The following UTRN variants were observed in gnomAD, a reference collection of about 807,000 sequenced individuals.
UTRN encodes utrophin.
A neutral mutation model predicts 463.9 loss-of-function variants in UTRN; 283 were observed. The observed-to-expected ratio is 0.61, with a 90% CI of 0.55 to 0.67. The LOEUF (loss-of-function observed/expected upper bound fraction) is 0.67, where lower values mean the gene tolerates loss of function less well. UTRN is among the 30% of genes least tolerant of loss of function. The pLI is 0.00. For synonymous variants in UTRN, 1,442 were observed against 1,431.5 expected, an observed-to-expected ratio of 1.01 and a Z score of -0.17; for missense variants, 3,922 against 4,084.3, an observed-to-expected ratio of 0.96 and a Z score of 1.08.
intron 2 of UTRN, among the ~76,000 whole-genome samples, chr6:144,334,213 G>A (rs781719562): frequency 2.6e-5 from 4 of 151,688 alleles, no homozygotes; most frequent in African/African-American, 7.3e-5. Context: ...TAATTTCACC[G>A]GAATGCTGCA....
intron 2 of UTRN, among the ~76,000 whole-genome samples, chr6:144,299,315 A>T (rs1805028647): frequency 6.6e-6 from 1 of 152,242 alleles, no homozygotes; most frequent in South Asian, 2.1e-4. Context: ...AAAGTCATAG[A>T]ACCAAAGTGA....
chr6:144,606,422 A>G (rs891060505), intron 51 of UTRN, among the ~76,000 whole-genome samples: 2 of 152,364 alleles, frequency 1.3e-5, no homozygotes, highest in Admixed American at 6.5e-5. Context: ...AGCAATCATT[A>G]AAATTAGCTA....
At chr6:144,828,573 C>CG (rs1780392068) in intron 68 of UTRN, among the ~76,000 whole-genome samples, 2 of 152,118 alleles carry the variant, frequency 1.3e-5, no homozygotes, top group African/African-American at 4.8e-5. Flanking sequence ...GGAGACTTTA[C>CG]AACATGGCGT....
chr6:144,730,123 T>G (rs1207402427), intron 53 of UTRN, among the ~76,000 whole-genome samples: 1 of 152,274 alleles, frequency 6.6e-6, no homozygotes, highest in Non-Finnish European at 1.5e-5. Context: ...AAGTGAATAT[T>G]TTAAAGCTGT....
chr6:144,429,100 A>G (rs1430839156), intron 8 of UTRN, among the ~76,000 whole-genome samples: 1 of 152,210 alleles, frequency 6.6e-6, no homozygotes, highest in Non-Finnish European at 1.5e-5. Context: ...GTAGAAATTT[A>G]ACTACAGCAC....
chr6:144,350,439 C>T (rs993042068), intron 2 of UTRN, among the ~76,000 whole-genome samples: 12 of 152,076 alleles, frequency 7.9e-5, no homozygotes, highest in African/African-American at 2.9e-4. Context: ...AAAATTGAAA[C>T]CATCCTGATT....
chr6:144,721,308 G>C (rs1467115990), intron 53 of UTRN, among the ~76,000 whole-genome samples: 1 of 152,132 alleles, frequency 6.6e-6, no homozygotes, highest in Non-Finnish European at 1.5e-5. Flanking sequence ...AACTCCTGGA[G>C]CCAAGCAGTC....
At chr6:144,561,356 A>T (rs537743682) in intron 50 of UTRN, among the ~76,000 whole-genome samples, 9 of 149,468 alleles carry the variant, frequency 6.0e-5, no homozygotes, top group African/African-American at 2.2e-4. Flanking sequence ...ATACACACAC[A>T]TATAACTGTG....
At chr6:144,525,223 C>T (rs1026368960) in intron 41 of UTRN, among the ~76,000 whole-genome samples, 1 of 152,118 alleles carries the variant, frequency 6.6e-6, no homozygotes, top group Non-Finnish European at 1.5e-5. Flanking sequence ...GGAGGATTCC[C>T]TCTTTCTCTA....
chr6:144,517,335 C>T (rs757263423), intron 39 of UTRN, among the ~76,000 whole-genome samples: 13 of 151,744 alleles, frequency 8.6e-5, no homozygotes, highest in Non-Finnish European at 1.8e-4. Flanking sequence ...TAAAGATTCA[C>T]TACCAGCTCC....
At position 144,510,929 on chromosome 6, in the gene UTRN, G is replaced by A; in HGVS notation, c.4765-15G>A. The A allele has an allele frequency of 6.5e-7, 1 of 1,544,956 alleles. No individual in the cohort carries two copies. The highest frequency in any genetic ancestry group is 1.2e-5 in the South Asian group (1 of 82,172). On this transcript the variant is annotated splice_polypyrimidine_tract_variant and intron_variant, in intron 34 of 74. Coordinates refer to ENST00000367545, the MANE Select transcript of UTRN (RefSeq NM_007124.3). Reference sequence around the variant, plus strand: ...TCTGAAGCATCAAGTAGGTCTTGGTGTTTTTATTTTCTAGAATGTTCTGAA... The same window carrying A: ...TCTGAAGCATCAAGTAGGTCTTGGTATTTTTATTTTCTAGAATGTTCTGAA...
chr6:144,564,747 G>A (rs1472511890), intron 50 of UTRN, among the ~76,000 whole-genome samples: 1 of 152,060 alleles, frequency 6.6e-6, no homozygotes, highest in Non-Finnish European at 1.5e-5. Context: ...CAACATGGGG[G>A]AAACCATCCC....
intron 2 of UTRN, among the ~76,000 whole-genome samples, chr6:144,376,901 T>C (rs1780512278): frequency 6.6e-6 from 1 of 152,196 alleles, no homozygotes; most frequent in African/African-American, 2.4e-5. Context: ...AATAGTACAG[T>C]ATATTAATAA....
At chr6:144,507,154 G>A (rs2128588391) in intron 34 of UTRN, among the ~76,000 whole-genome samples, 1 of 151,866 alleles carries the variant, frequency 6.6e-6, no homozygotes, top group Admixed American at 6.6e-5. Context: ...AGTCTAGTTA[G>A]CAGTTTCTGT....
intron 3 of UTRN, among the ~76,000 whole-genome samples, chr6:144,416,803 A>G (rs559834375): frequency 1.1e-4 from 17 of 152,308 alleles, no homozygotes; most frequent in African/African-American, 4.1e-4. Flanking sequence ...ATTTATTGGA[A>G]AACTATGGAA....
At chr6:144,289,835 G>T (rs1273479478) in intron 1 of UTRN, among the ~76,000 whole-genome samples, 3 of 151,976 alleles carry the variant, frequency 2.0e-5, no homozygotes, top group Non-Finnish European at 2.9e-5. Context: ...TTTTTTTTAA[G>T]TAGAGATGGG....
intron 51 of UTRN, among the ~76,000 whole-genome samples, chr6:144,676,164 T>C (rs1781571677): frequency 6.6e-6 from 1 of 152,122 alleles, no homozygotes; most frequent in African/African-American, 2.4e-5. Context: ...TTTTCTTTTA[T>C]ATTTAGTTAT....
In UTRN at chr6:144,469,909, C is replaced by A. The variant is rs190078149; in HGVS notation, c.3067-3811C>A. 3.8e-3 allele frequency among the ~76,000 whole-genome samples: 584 copies of A among 151,988 alleles called. 5 individuals carry two copies. The highest frequency in any genetic ancestry group is 0.012 in the African/African-American group (501 of 41,360). ...ATTAGGGAGTGGTGATGACTCTTAA[C>A]GAGCATGCTGCCTTCAAGCATCTGT... is the stretch of plus-strand genomic sequence containing the variant. On this transcript the variant is annotated intron_variant, in intron 23 of 74. Coordinates refer to ENST00000367545, the MANE Select transcript of UTRN (RefSeq NM_007124.3).
rs2128591796 is a variant in UTRN, at chr6:144,514,025, A to G, written c.5061A>G (p.Glu1687=). 1.9e-6 allele frequency: 3 copies of G among 1,613,886 alleles called. No individual in the cohort carries two copies. The South Asian group carries it at 3.3e-5, about 18-fold the overall frequency. Residue 1687 remains glutamate, a synonymous_variant, in exon 36 of 75, where the codon GAA becomes GAG. Transcript: ENST00000367545. ...EIEKKPTSKQ[E]EIVKRLVSEL... is the part of the protein sequence containing the mutation. The stretch of plus-strand genomic sequence containing the variant: ...AAAAGAAACCAACAAGTAAACAGGA[A>G]GAAATTGTGAAGGTAGCAAACACAG...
Sources: allele counts gnomAD v4.1 joint callset (sites outside exome capture counted in the v4.1 genomes callset), GRCh38; gene constraint gnomAD v4.1.1; transcripts MANE v1.5; gene names NCBI Gene and HGNC (gene_info 2026-07-23, HGNC 2026-07-21).